Variants in ZNF777 observed in about 807,000 individuals in gnomAD.
The protein encoded by ZNF777 is zinc finger protein 777.
ZNF777 carries 7 observed loss-of-function variants against 72.1 expected under a neutral mutation model. The ratio of observed to expected loss-of-function variants is 0.10; its 90% CI spans 0.06 to 0.18. ZNF777 has a LOEUF of 0.18. Among genes scored for constraint, ZNF777 ranks in the 10% least tolerant of loss-of-function variants. The pLI, the probability that ZNF777 is intolerant of heterozygous loss-of-function variation, is 1.00. For synonymous variants in ZNF777, 545 were observed against 483.5 expected, an observed-to-expected ratio of 1.13 and a Z score of -1.67; for missense variants, 828 against 1,128.6, an observed-to-expected ratio of 0.73 and a Z score of 3.82.
At chr7:149,437,799 CTTTTTCTTTTTTT>C (rs1799441801) in intron 4 of ZNF777, among the ~76,000 whole-genome samples, 1 of 115,654 alleles carries the variant, frequency 8.6e-6, no homozygotes, top group African/African-American at 3.4e-5. Context: ...ATGTTTGTTT[CTTTTTCTTTTTTT>C]TTTTTTTTTG....
intron 4 of ZNF777, among the ~76,000 whole-genome samples, chr7:149,440,680 T>G (rs962429001): frequency 3.0e-4 from 43 of 143,934 alleles, no homozygotes; most frequent in East Asian, 1.9e-3. Context: ...TTTGTTTTTT[T>G]TTTTTTTTTT....
intron 1 of ZNF777, among the ~76,000 whole-genome samples, chr7:149,457,962 A>G (rs767708041): frequency 3.3e-5 from 5 of 152,166 alleles, no homozygotes; most frequent in Non-Finnish European, 5.9e-5. Context: ...TTGAGGCCTT[A>G]ACTGTCAACT....
At chr7:149,442,300 CACAGACACACACACAA>C (rs1434757749) in intron 4 of ZNF777, among the ~76,000 whole-genome samples, 1 of 149,708 alleles carries the variant, frequency 6.7e-6, no homozygotes, top group East Asian at 2.0e-4. Flanking sequence ...CACACACACA[CACAGACACACACACAA>C]AATATAAAAG....
At chr7:149,446,856 T>A (rs188122746) in intron 4 of ZNF777, among the ~76,000 whole-genome samples, 1 of 152,302 alleles carries the variant, frequency 6.6e-6, no homozygotes, top group African/African-American at 2.4e-5. Context: ...CCAACGTTTG[T>A]CTTCCTAAGG....
At chr7:149,434,195 C>A (rs1799374184) in intron 5 of ZNF777, among the ~76,000 whole-genome samples, 1 of 152,116 alleles carries the variant, frequency 6.6e-6, no homozygotes, top group African/African-American at 2.4e-5. Context: ...GGTTGGGACC[C>A]ACCTGGTCTA....
At chr7:149,433,341 T>TA (rs1438909301) in intron 5 of ZNF777, among the ~76,000 whole-genome samples, 1 of 152,212 alleles carries the variant, frequency 6.6e-6, no homozygotes, top group Admixed American at 6.5e-5. Context: ...GATGCTGGAA[T>TA]ACTCACGATT....
In ZNF777 at chr7:149,455,667, G is replaced by C; in HGVS notation, c.356C>G (p.Ser119Cys). 6.4e-7 allele frequency: 1 copy of C among 1,566,876 alleles called. No individual in the cohort carries two copies. The highest frequency in any genetic ancestry group is 8.6e-7 in the Non-Finnish European group (1 of 1,156,902). ...AAAEQEVSLL[S>C]HSPHHQEAPV... ...GGCTTCCTGGTGGTGGGGGGAGTGG[G>C]AGAGAAGGGAGACTTCTTGTTCAGC... The change falls in exon 2 of 6, where the codon TCC becomes TGC. Residue 119 changes from serine (S) to cysteine (C), a missense_variant. Transcript: ENST00000247930. The surrounding 1 kb of genome is among the most constrained non-coding windows in gnomAD (Gnocchi z 4.2).
At chr7:149,450,498 T>A (rs1799692860) in intron 4 of ZNF777, among the ~76,000 whole-genome samples, 1 of 152,176 alleles carries the variant, frequency 6.6e-6, no homozygotes, top group South Asian at 2.1e-4. Context: ...CACCAGAGTG[T>A]GCACATGAGC....
Position 149,431,725 on chromosome 7 carries a change from G to C in ZNF777, c.*51C>G, listed in dbSNP as rs898597791. The C allele has an allele frequency of 2.4e-6, 3 of 1,261,402 alleles. No individual in the cohort carries two copies. Among genetic ancestry groups the C allele is most frequent in the Non-Finnish European group, 3.0e-6 (3 of 1,004,844 alleles). The allele number at this position is 1,261,402 out of a possible 1,614,324, so 78.1% of individuals were successfully genotyped here. On this transcript the variant is annotated 3_prime_UTR_variant, in exon 6 of 6. Coordinates refer to ENST00000247930, the MANE Select transcript of ZNF777 (RefSeq NM_015694.3). Reference sequence around the variant, plus strand: ...TGGGCTCGGGCCTGGCGGTGTCCGAGGGGGGGCACGGCCCGCGCACCTGGC... The same window carrying C: ...TGGGCTCGGGCCTGGCGGTGTCCGACGGGGGGCACGGCCCGCGCACCTGGC...
Position 149,460,605 on chromosome 7 carries a change from G to C in ZNF777, c.-16+210C>G, listed in dbSNP as rs1160884739. ...CTACAAACTGCATCCTGGGAGGCAT[G>C]TCCCTCTCAGGCCGTTTAAAGAGAA... is the stretch of plus-strand genomic sequence containing the variant. On this transcript the variant is annotated intron_variant, in intron 1 of 5. Coordinates refer to ENST00000247930, the MANE Select transcript of ZNF777 (RefSeq NM_015694.3). The surrounding 1 kb of genome is among the most constrained non-coding windows in gnomAD (Gnocchi z 6.1). 5.9e-5 allele frequency among the ~76,000 whole-genome samples: 9 copies of C among 152,174 alleles called. No homozygotes were observed. The East Asian group carries it at 1.4e-3, about 23-fold the overall frequency.
intron 3 of ZNF777, among the ~76,000 whole-genome samples, chr7:149,452,483 A>T (rs1799741364): frequency 6.6e-6 from 1 of 150,952 alleles, no homozygotes; most frequent in South Asian, 2.1e-4. Context: ...ACAAAAAAAA[A>T]TTAGCCAGGA....
At chr7:149,439,887 T>C (rs1371607080) in intron 4 of ZNF777, among the ~76,000 whole-genome samples, 1 of 152,236 alleles carries the variant, frequency 6.6e-6, no homozygotes, top group Admixed American at 6.5e-5. Flanking sequence ...TAAGGATGAA[T>C]AGAAATTTTT....
At chr7:149,448,484 A>C (rs1053698557) in intron 4 of ZNF777, among the ~76,000 whole-genome samples, 1 of 21,692 alleles carries the variant, frequency 4.6e-5, no homozygotes, top group Non-Finnish European at 7.4e-5. Flanking sequence ...ACAAAACAAA[A>C]CTATATATAT....
chr7:149,436,511 G>C lies in ZNF777; in HGVS notation c.1339+64C>G, dbSNP rs1799412710. Reference sequence around the variant, plus strand: ...CTGAAGGAACCACAGCTTTCCCAGGGGGCAGGGGCCCTCTGGGAGGCCTCA... The same window carrying C: ...CTGAAGGAACCACAGCTTTCCCAGGCGGCAGGGGCCCTCTGGGAGGCCTCA... On this transcript the variant is annotated intron_variant, in intron 5 of 5. Coordinates refer to ENST00000247930, the MANE Select transcript of ZNF777 (RefSeq NM_015694.3). The surrounding 1 kb of genome is among the most constrained non-coding windows in gnomAD (Gnocchi z 5.0). The C allele has an allele frequency of 3.9e-6, 6 of 1,523,528 alleles. No homozygotes were observed. The South Asian group carries it at 7.6e-5, about 19-fold the overall frequency. The allele number at this position is 1,523,528 out of a possible 1,614,324, so 94.4% of individuals were successfully genotyped here. A position where few individuals can be genotyped will look rare whatever the true frequency, so the allele number is the denominator to read the frequency against.
chr7:149,448,511 A>ATATAT (rs1748359372), intron 4 of ZNF777, among the ~76,000 whole-genome samples: 1 of 89,164 alleles, frequency 1.1e-5, no homozygotes, highest in African/African-American at 6.1e-5. Flanking sequence ...ATATATATAT[A>ATATAT]ACTATATATA....
chr7:149,456,039 T>G lies in ZNF777; in HGVS notation c.-15-2A>C, dbSNP rs1799824496. On this transcript the variant is annotated splice_acceptor_variant, in intron 1 of 5. Coordinates refer to ENST00000247930, the MANE Select transcript of ZNF777 (RefSeq NM_015694.3). LOFTEE classifies it low-confidence loss of function (5UTR_SPLICE). ...GTTCTCCATGTCCAGCTGCTGAACCTGTGTTCATGGAAGAAAGGAAAAGAG... is the reference window on the plus strand; with the variant it reads ...GTTCTCCATGTCCAGCTGCTGAACCGGTGTTCATGGAAGAAAGGAAAAGAG... 1.9e-6 allele frequency: 3 copies of G among 1,541,528 alleles called. No individual in the cohort carries two copies. Among genetic ancestry groups the G allele is most frequent in the Non-Finnish European group, 2.6e-6 (3 of 1,143,992 alleles).
At chr7:149,435,910 C>A (rs1333802894) in intron 5 of ZNF777, among the ~76,000 whole-genome samples, 1 of 152,102 alleles carries the variant, frequency 6.6e-6, no homozygotes, top group African/African-American at 2.4e-5. Context: ...ATATTTATTA[C>A]CTAAGTCCAA....
At chr7:149,453,628 G>A (rs181714047) in intron 3 of ZNF777, among the ~76,000 whole-genome samples, 7 of 152,218 alleles carry the variant, frequency 4.6e-5, no homozygotes, top group Non-Finnish European at 8.8e-5. Context: ...CTGAATCATC[G>A]AACAGGAGTG....
chr7:149,444,867 C>T (rs1328139148), intron 4 of ZNF777, among the ~76,000 whole-genome samples: 1 of 152,106 alleles, frequency 6.6e-6, no homozygotes, highest in African/African-American at 2.4e-5. Flanking sequence ...CTATTTTCTT[C>T]CAGTGCTCTG....
Sources: allele counts gnomAD v4.1 joint callset (sites outside exome capture counted in the v4.1 genomes callset), GRCh38; gene constraint gnomAD v4.1.1; non-coding constraint Gnocchi (gnomAD v3.1); transcripts MANE v1.5; gene names NCBI Gene and HGNC (gene_info 2026-07-23, HGNC 2026-07-21).